PPHLN1: variants seen among roughly 807,000 people sequenced by gnomAD.
The protein encoded by PPHLN1 is periphilin-1.
Under a neutral mutation model 51.3 loss-of-function variants are expected in PPHLN1, and 29 were observed. The ratio of observed to expected loss-of-function variants is 0.57; its 90% CI spans 0.42 to 0.77. The LOEUF is 0.77. PPHLN1 is among the 30% of genes least tolerant of loss of function. PPHLN1 has a pLI of 0.00. For synonymous variants in PPHLN1, 147 were observed against 147.8 expected, an observed-to-expected ratio of 0.99 and a Z score of 0.04; for missense variants, 436 against 438.4, an observed-to-expected ratio of 0.99 and a Z score of 0.05.
chr12:42,399,934 C>T lies in PPHLN1; in HGVS notation c.909+940C>T, dbSNP rs1312785771. The stretch of plus-strand genomic sequence containing the variant: ...TGATTGGGAGGCAGTTGGTACCTTT[C>T]AAGATACCAATTAAATGAGAGCATA... On this transcript the variant is annotated intron_variant, in intron 9 of 9. Transcript: ENST00000358314. The T allele has an allele frequency of 4.6e-5, 7 of 152,176 alleles. No homozygotes were observed. The South Asian group carries it at 1.5e-3, about 32-fold the overall frequency. 9.4% of individuals were successfully genotyped at this position (152,176 alleles called of 1,614,324 possible). A position where few individuals can be genotyped will look rare whatever the true frequency, so the allele number is the denominator to read the frequency against.
chr12:42,332,799 A>G (rs2069974062), intron 1 of PPHLN1: 3 of 634,626 alleles, frequency 4.7e-6, no homozygotes, highest in Non-Finnish European at 5.1e-6. Flanking sequence ...ACTACATACT[A>G]TTTCTTTAGA....
intron 2 of PPHLN1, among the ~76,000 whole-genome samples, chr12:42,341,747 G>A (rs571274468): frequency 9.2e-5 from 14 of 152,086 alleles, no homozygotes; most frequent in Middle Eastern, 3.4e-3. Flanking sequence ...TCAGCCTCCC[G>A]AGTAGCTGGG....
At chr12:42,444,898 G>T (rs906015030), downstream of PPHLN1, 2 of 586,916 alleles carry the variant, frequency 3.4e-6, no homozygotes, top group African/African-American at 1.9e-5. Flanking sequence ...GCGGCTATCT[G>T]GTGGAAACCA....
intron 4 of PPHLN1, chr12:42,361,279 GGTACCTT>G (rs2074650078): frequency 6.6e-6 from 1 of 152,186 alleles, no homozygotes; most frequent in Non-Finnish European, 1.5e-5. Flanking sequence ...CAGATCTGCT[GGTACCTT>G]GATCTTGGAT....
At chr12:42,353,274 A>T (rs952419849) in intron 3 of PPHLN1, among the ~76,000 whole-genome samples, 3 of 152,078 alleles carry the variant, frequency 2.0e-5, no homozygotes, top group African/African-American at 7.2e-5. Context: ...TTGTTTTCCC[A>T]CCTTTTCTCT....
downstream of PPHLN1, chr12:42,443,721 G>A (rs532870914): frequency 3.9e-5 from 6 of 152,282 alleles, no homozygotes; most frequent in South Asian, 1.2e-3. Flanking sequence ...CTTTTGCATG[G>A]CTTACAAGCT....
At chr12:42,352,936 A>G (rs561642114) in intron 3 of PPHLN1, among the ~76,000 whole-genome samples, 2 of 152,048 alleles carry the variant, frequency 1.3e-5, no homozygotes, top group East Asian at 2.0e-4. Flanking sequence ...TAAAAATGCA[A>G]AAATCAGCCA....
At chr12:42,345,834 A>AT (rs1156528012) in intron 2 of PPHLN1, among the ~76,000 whole-genome samples, 6 of 151,086 alleles carry the variant, frequency 4.0e-5, no homozygotes, top group East Asian at 1.9e-4. Context: ...ACAAGTCATA[A>AT]TTTTTTTTTC....
At position 42,441,781 on chromosome 12, in the gene PPHLN1, A is replaced by G; in HGVS notation, c.*272A>G. The G allele has an allele frequency of 8.9e-7, 1 of 1,124,310 alleles. No homozygotes were observed. Among genetic ancestry groups the G allele is most frequent in the Non-Finnish European group, 1.1e-6 (1 of 913,784 alleles). The allele number at this position is 1,124,310 out of a possible 1,614,324, so 69.6% of individuals were successfully genotyped here. On this transcript the variant is annotated 3_prime_UTR_variant, in exon 10 of 10. Coordinates refer to ENST00000358314, the MANE Select transcript of PPHLN1 (RefSeq NM_201439.2). ...GTGATCTGCCTGCCTCAGCCTCTCAAAGTGTTGAGATTACAGGCGTGAGCC... is the reference window on the plus strand; with the variant it reads ...GTGATCTGCCTGCCTCAGCCTCTCAGAGTGTTGAGATTACAGGCGTGAGCC...
Position 42,396,615 on chromosome 12 carries a change from CAAAAAAAAAAAAAAA to C in PPHLN1, c.769-2220_769-2206del, listed in dbSNP as rs60131845. Among the ~76,000 whole-genome samples, 636 of 85,512 alleles carry C rather than the reference CAAAAAAAAAAAAAAA, an allele frequency of 7.4e-3. 23 individuals carry two copies. The East Asian group carries it at 0.15, about 20-fold the overall frequency. 56.1% of individuals were successfully genotyped at this position (85,512 alleles called of 152,430 possible). ...GCAATGTAGTAAGGTCTTGTCACTA[CAAAAAAAAAAAAAAA>C]AAAAAAAAAAAAAAAAAAGCTGGGT... On this transcript the variant is annotated intron_variant, in intron 8 of 9. Transcript: ENST00000358314.
chr12:42,437,160 C>T (rs2082551857), intron 9 of PPHLN1, among the ~76,000 whole-genome samples: 1 of 152,228 alleles, frequency 6.6e-6, no homozygotes, highest in African/African-American at 2.4e-5. Flanking sequence ...TTCATGATCT[C>T]GTTTCAGGGT....
At chr12:42,344,337 C>T (rs996651901) in intron 2 of PPHLN1, among the ~76,000 whole-genome samples, 4 of 152,108 alleles carry the variant, frequency 2.6e-5, no homozygotes, top group Non-Finnish European at 4.4e-5. Flanking sequence ...GGGGAAATAT[C>T]AAGCATATAA....
rs1191831477 is a variant in PPHLN1, at chr12:42,403,434, G to A, written c.909+4440G>A. 2.0e-5 allele frequency among the ~76,000 whole-genome samples: 3 copies of A among 152,144 alleles called. No individual in the cohort carries two copies. In the South Asian group the frequency reaches 6.2e-4, roughly 32 times the overall value. ...GAAAGTTACAATTTACCAGATTCTG[G>A]TCATGCTGTTACTGCAGAAGCTTGT... On this transcript the variant is annotated intron_variant, in intron 9 of 9. Coordinates refer to ENST00000358314, the MANE Select transcript of PPHLN1 (RefSeq NM_201439.2).
chr12:42,427,457 A>G (rs1227647852), intron 9 of PPHLN1, among the ~76,000 whole-genome samples: 1 of 152,214 alleles, frequency 6.6e-6, no homozygotes, highest in African/African-American at 2.4e-5. Context: ...GAACCCAGAA[A>G]TTAACCCAAA....
At chr12:42,361,208 T>C (rs113221932) in intron 4 of PPHLN1, 3 of 152,454 alleles carry the variant, frequency 2.0e-5, no homozygotes, top group Admixed American at 2.0e-4. Flanking sequence ...CTCTCCACCA[T>C]GTGAGGATAC....
At chr12:42,417,943 G>GT (rs371302578) in intron 9 of PPHLN1, among the ~76,000 whole-genome samples, 34,246 of 87,798 alleles carry the variant, frequency 0.39, 6,305 homozygotes, top group South Asian at 0.48. Flanking sequence ...TTTTTTTTTT[G>GT]TTTTTTTTTT....
intron 6 of PPHLN1, 154 bp from the exon 7 acceptor site, chr12:42,387,302 A>G: frequency 8.3e-6 from 6 of 726,388 alleles, no homozygotes; most frequent in Non-Finnish European, 1.2e-5. Flanking sequence ...TCTGAGAGGT[A>G]GTTTTAGATA....
At chr12:42,377,629 A>G (rs1040025759) in intron 5 of PPHLN1, among the ~76,000 whole-genome samples, 4 of 152,148 alleles carry the variant, frequency 2.6e-5, no homozygotes, top group African/African-American at 9.7e-5. Flanking sequence ...TGGGATGTGT[A>G]TGACTTAAAT....
intron 7 of PPHLN1, among the ~76,000 whole-genome samples, chr12:42,390,645 T>G (rs1168775819): frequency 6.6e-6 from 1 of 151,510 alleles, no homozygotes; most frequent in African/African-American, 2.4e-5. Context: ...TTCCTAAACT[T>G]TCTTAAAACA....
Sources: allele counts gnomAD v4.1 joint callset (sites outside exome capture counted in the v4.1 genomes callset), GRCh38; gene constraint gnomAD v4.1.1; transcripts MANE v1.5; gene names NCBI Gene and HGNC (gene_info 2026-07-23, HGNC 2026-07-21).